Variants in CCDC91 observed in about 807,000 individuals in gnomAD.
CCDC91 encodes coiled-coil domain containing 91.
Under a neutral mutation model 63.2 loss-of-function variants are expected in CCDC91, and 48 were observed. The ratio of observed to expected loss-of-function variants is 0.76; its 90% CI spans 0.60 to 0.97. The LOEUF (loss-of-function observed/expected upper bound fraction) is 0.97. Among genes scored for constraint, CCDC91 ranks in the 50% least tolerant of loss-of-function variants. CCDC91 has a pLI of 0.00. For missense variants in CCDC91, 500 were observed against 494.6 expected, an observed-to-expected ratio of 1.01 and a Z score of -0.10; for synonymous variants, 167 against 165.8, an observed-to-expected ratio of 1.01 and a Z score of -0.06.
chr12:28,352,765 G>A (rs1013381417), intron 6 of CCDC91, among the ~76,000 whole-genome samples: 1 of 143,080 alleles, frequency 7.0e-6, no homozygotes, highest in Non-Finnish European at 1.5e-5. Flanking sequence ...TGTCATCCAC[G>A]CTTTGTTCTT....
intron 6 of CCDC91, among the ~76,000 whole-genome samples, chr12:28,336,651 T>C (rs1942002685): frequency 6.6e-6 from 1 of 152,140 alleles, no homozygotes; most frequent in Admixed American, 6.5e-5. Flanking sequence ...TTTTCATTCC[T>C]AGAAATGAAG....
chr12:28,256,252 T>A (rs528781511), intron 1 of CCDC91, among the ~76,000 whole-genome samples: 66 of 152,232 alleles, frequency 4.3e-4, no homozygotes, highest in South Asian at 2.5e-3. Context: ...ATAAACCAAT[T>A]ATTACTGACT....
intron 12 of CCDC91, among the ~76,000 whole-genome samples, chr12:28,503,417 T>C (rs1938238088): frequency 6.6e-6 from 1 of 152,128 alleles, no homozygotes; most frequent in Non-Finnish European, 1.5e-5. Flanking sequence ...ATGGCGATCA[T>C]TAAAAAGTCA....
intron 8 of CCDC91, among the ~76,000 whole-genome samples, chr12:28,416,832 T>A (rs1947691483): frequency 6.6e-6 from 1 of 152,140 alleles, no homozygotes; most frequent in South Asian, 2.1e-4. Context: ...CACAGACAAC[T>A]ATAGCAATGG....
intron 6 of CCDC91, among the ~76,000 whole-genome samples, chr12:28,351,724 T>G (rs1294371018): frequency 2.0e-5 from 3 of 152,094 alleles, no homozygotes; most frequent in African/African-American, 7.2e-5. Flanking sequence ...CTTCCTAGTC[T>G]AATGAGCCTA....
At chr12:28,547,823 A>G (rs1234678342) in intron 12 of CCDC91, among the ~76,000 whole-genome samples, 1 of 152,070 alleles carries the variant, frequency 6.6e-6, no homozygotes, top group Non-Finnish European at 1.5e-5. Flanking sequence ...TTTTTCAGCC[A>G]TTTTGAGTAT....
chr12:28,519,790 A>C (rs1035681324), intron 12 of CCDC91, among the ~76,000 whole-genome samples: 4 of 140,230 alleles, frequency 2.9e-5, no homozygotes, highest in African/African-American at 1.1e-4. Context: ...TCATTGTTCA[A>C]ATCCCACCTA....
chr12:28,350,961 A>C (rs753865509), intron 6 of CCDC91, among the ~76,000 whole-genome samples: 2 of 152,192 alleles, frequency 1.3e-5, no homozygotes, highest in Non-Finnish European at 2.9e-5. Context: ...TTGCATTCAT[A>C]GGTACCAAGG....
chr12:28,540,109 G>A (rs1942516636), intron 12 of CCDC91, among the ~76,000 whole-genome samples: 1 of 152,128 alleles, frequency 6.6e-6, no homozygotes, highest in Admixed American at 6.6e-5. Flanking sequence ...TACAAGCCTA[G>A]CAGGTAGCAC....
chr12:28,426,807 T>G (rs535795989), intron 8 of CCDC91, among the ~76,000 whole-genome samples: 1 of 152,342 alleles, frequency 6.6e-6, no homozygotes, highest in Non-Finnish European at 1.5e-5. Context: ...CCGAAACTAG[T>G]TCTGATGCTT....
intron 3 of CCDC91, among the ~76,000 whole-genome samples, chr12:28,298,044 G>GAAAAAAATC (rs1949660306): frequency 6.6e-6 from 1 of 151,744 alleles, no homozygotes; most frequent in Non-Finnish European, 1.5e-5. Context: ...AGCAAAAACT[G>GAAAAAAATC]TAGAGGTTTA....
At chr12:28,343,032 G>A (rs1474383646) in intron 6 of CCDC91, among the ~76,000 whole-genome samples, 1 of 151,998 alleles carries the variant, frequency 6.6e-6, no homozygotes. Flanking sequence ...TTGAAGAGTA[G>A]AAAATGCATG....
At chr12:28,363,876 G>GAAAAAAAAAAAAA (rs34997286) in intron 7 of CCDC91, among the ~76,000 whole-genome samples, 4 of 52,548 alleles carry the variant, frequency 7.6e-5, no homozygotes, top group Admixed American at 5.4e-4. Flanking sequence ...GGCTCCATCT[G>GAAAAAAAAAAAAA]AAAAAAAAAA....
intron 8 of CCDC91, among the ~76,000 whole-genome samples, chr12:28,418,628 T>G (rs11049588): frequency 6.6e-6 from 1 of 151,974 alleles, no homozygotes; most frequent in Non-Finnish European, 1.5e-5. Flanking sequence ...ATTATGTTAA[T>G]GGCAGATTAA....
At chr12:28,360,974 T>C (rs1024846784) in intron 6 of CCDC91, among the ~76,000 whole-genome samples, 2 of 151,762 alleles carry the variant, frequency 1.3e-5, no homozygotes, top group Non-Finnish European at 2.9e-5. Flanking sequence ...TTTGTAATTC[T>C]TTAGTTTTGG....
At chr12:28,217,414 A>T (rs1943635890) in intron 1 of CCDC91, among the ~76,000 whole-genome samples, 1 of 152,156 alleles carries the variant, frequency 6.6e-6, no homozygotes, top group South Asian at 2.1e-4. Context: ...AGCAATTTTG[A>T]ACTGACTGCT....
chr12:28,441,639 T>C (rs1949218239), intron 8 of CCDC91, among the ~76,000 whole-genome samples: 1 of 147,814 alleles, frequency 6.8e-6, no homozygotes, highest in Non-Finnish European at 1.5e-5. Flanking sequence ...TGTATATATA[T>C]CTCTCTCTCA....
chr12:28,530,695 A>G (rs1199091908), intron 12 of CCDC91, among the ~76,000 whole-genome samples: 2 of 152,112 alleles, frequency 1.3e-5, no homozygotes, highest in Admixed American at 6.6e-5. Context: ...AGTAATTTTT[A>G]AAGATATTTG....
intron 11 of CCDC91, among the ~76,000 whole-genome samples, chr12:28,460,870 T>A (rs1950273864): frequency 6.6e-6 from 1 of 151,856 alleles, no homozygotes. Context: ...AGGTGAAAAT[T>A]TTTAGCTCAC....
Sources: allele counts gnomAD v4.1 joint callset (sites outside exome capture counted in the v4.1 genomes callset), GRCh38; gene constraint gnomAD v4.1.1; transcripts MANE v1.5; gene names NCBI Gene and HGNC (gene_info 2026-07-23, HGNC 2026-07-21).